Variants in UPF2 observed in about 807,000 individuals in gnomAD.
UPF2 encodes the protein UPF2 regulator of nonsense mediated mRNA decay.
A neutral mutation model predicts 141.4 loss-of-function variants in UPF2; 17 were observed. That is an observed-to-expected ratio of 0.12 (90% confidence interval 0.08 to 0.18). The LOEUF (loss-of-function observed/expected upper bound fraction) is 0.18. Among genes scored for constraint, UPF2 ranks in the 10% least tolerant of loss-of-function variants. The pLI is 1.00. For synonymous variants in UPF2, 540 were observed against 498.0 expected (o/e 1.08, Z -1.12); for missense variants, 1,152 against 1,515.9 (o/e 0.76, Z 3.99).
rs938811326 is a variant in UPF2, at chr10:12,014,645, G to GT, written c.1146-462dup. ...TCACAAAATAATCAAAAATTATTTG[G>GT]TTTTTTATTACTGTCATACTCCCCT... On this transcript the variant is annotated intron_variant, in intron 3 of 21. Coordinates refer to ENST00000357604, the MANE Select transcript of UPF2 (RefSeq NM_015542.4). The surrounding 1 kb of genome is among the most constrained non-coding windows in gnomAD (Gnocchi z 5.0). Among the ~76,000 whole-genome samples, 19 of 152,154 alleles carry GT rather than the reference G, an allele frequency of 1.2e-4. No homozygotes were observed. Among genetic ancestry groups the GT allele is most frequent in the African/African-American group, 4.6e-4 (19 of 41,524 alleles).
chr10:11,933,483 CTTAAAAA>C (rs1832806242), intron 19 of UPF2, among the ~76,000 whole-genome samples: 1 of 152,050 alleles, frequency 6.6e-6, no homozygotes, highest in African/African-American at 2.4e-5. Flanking sequence ...ATAATATATC[CTTAAAAA>C]TTAAAATTTA....
rs1554774696 is a variant in UPF2, at chr10:11,938,863, T to TTTG, written c.3379-2152_3379-2151insCAA. Among the ~76,000 whole-genome samples, 504 of 81,086 alleles carry TTTG rather than the reference T, an allele frequency of 6.2e-3. 9 individuals are homozygous for TTTG. Among genetic ancestry groups the TTTG allele is most frequent in the Non-Finnish European group, 9.0e-3 (377 of 41,818 alleles). 53.2% of individuals were successfully genotyped at this position (81,086 alleles called of 152,430 possible). On this transcript the variant is annotated intron_variant, in intron 18 of 21. Coordinates refer to ENST00000357604, the MANE Select transcript of UPF2 (RefSeq NM_015542.4). Reference sequence around the variant, plus strand: ...GCAAGTTTTTTTTTTGTTTTTTTTTTTTTTTTTTTTTTTTTTTTTGGAGAC... The same window carrying TTTG: ...GCAAGTTTTTTTTTTGTTTTTTTTTTTTGTTTTTTTTTTTTTTTTTTTGGAGAC...
intron 19 of UPF2, among the ~76,000 whole-genome samples, chr10:11,934,733 G>A (rs1588525260): frequency 6.6e-6 from 1 of 152,126 alleles, no homozygotes; most frequent in Non-Finnish European, 1.5e-5. Context: ...GGGATTACAG[G>A]CACACGCCAC....
chr10:11,951,367 C>T (rs11257444), intron 15 of UPF2, among the ~76,000 whole-genome samples: 4 of 152,114 alleles, frequency 2.6e-5, no homozygotes, highest in African/African-American at 7.2e-5. Flanking sequence ...CTGGCCAAAA[C>T]GTGTCACTTT....
intron 16 of UPF2, among the ~76,000 whole-genome samples, chr10:11,948,108 C>T (rs1833026080): frequency 6.6e-6 from 1 of 151,586 alleles, no homozygotes; most frequent in Non-Finnish European, 1.5e-5. Context: ...ATTAGCTGGG[C>T]GTGGTGGCGA....
chr10:12,034,316 T>TA, intron 2 of UPF2, among the ~76,000 whole-genome samples: 1 of 151,432 alleles, frequency 6.6e-6, no homozygotes, highest in East Asian at 2.0e-4. Context: ...AAGTTTTTAT[T>TA]TTATTATTTT....
Position 12,001,928 on chromosome 10 carries a change from CT to C in UPF2, c.1505-104del, listed in dbSNP as rs1157046004. The stretch of plus-strand genomic sequence containing the variant: ...CAAAATCTGCAGGTTCTTTTAGAAG[CT>C]GCATGTATACCTGGCAACTGAAGTT... On this transcript the variant is annotated intron_variant, in intron 5 of 21. Transcript: ENST00000357604. The C allele has an allele frequency of 2.8e-6, 3 of 1,062,524 alleles. No homozygotes were observed. In the East Asian group the frequency reaches 8.3e-5, roughly 29 times the overall value. 65.8% of individuals were successfully genotyped at this position (1,062,524 alleles called of 1,614,324 possible).
At chr10:11,981,696 T>C (rs200078956) in intron 8 of UPF2, among the ~76,000 whole-genome samples, 2 of 132,498 alleles carry the variant, frequency 1.5e-5, no homozygotes, top group African/African-American at 5.8e-5. Context: ...CTTTTTTTTT[T>C]CTGAGACGGA....
At chr10:11,972,535 C>G (rs1271831367) in intron 9 of UPF2, among the ~76,000 whole-genome samples, 1 of 152,168 alleles carries the variant, frequency 6.6e-6, no homozygotes. Flanking sequence ...CTCCCCTCTC[C>G]CTCCACTCCA....
chr10:12,039,147 A>G (rs1396137045), intron 1 of UPF2, among the ~76,000 whole-genome samples: 1 of 152,224 alleles, frequency 6.6e-6, no homozygotes, highest in Non-Finnish European at 1.5e-5. Flanking sequence ...ATTTAATACT[A>G]AAATCTTTAT....
At chr10:11,981,165 A>G (rs534457163) in intron 8 of UPF2, among the ~76,000 whole-genome samples, 51 of 152,324 alleles carry the variant, frequency 3.3e-4, no homozygotes, top group African/African-American at 1.1e-3. Flanking sequence ...TTTGTCTCAA[A>G]AAGATTTAAA....
intron 9 of UPF2, among the ~76,000 whole-genome samples, chr10:11,976,651 T>C (rs1833510427): frequency 6.6e-6 from 1 of 152,078 alleles, no homozygotes. Flanking sequence ...GAGAAATAGA[T>C]GTGAATTAAA....
intron 15 of UPF2, among the ~76,000 whole-genome samples, chr10:11,951,264 T>C (rs1322510051): frequency 6.6e-6 from 1 of 152,120 alleles, no homozygotes; most frequent in Admixed American, 6.6e-5. Flanking sequence ...GGTTTTGCCA[T>C]GTTGGCCAGG....
intron 3 of UPF2, among the ~76,000 whole-genome samples, chr10:12,025,351 G>A (rs1215671427): frequency 6.6e-6 from 1 of 152,146 alleles, no homozygotes; most frequent in African/African-American, 2.4e-5. Flanking sequence ...AGGAGTTTGA[G>A]ACCGGCATGG....
intron 16 of UPF2, among the ~76,000 whole-genome samples, chr10:11,943,628 A>G (rs1040773683): frequency 6.6e-6 from 1 of 152,220 alleles, no homozygotes; most frequent in Non-Finnish European, 1.5e-5. Context: ...AGGTGTTCTC[A>G]TACACTTCAT....
intron 8 of UPF2, among the ~76,000 whole-genome samples, chr10:11,982,252 G>A (rs1432296214): frequency 6.6e-6 from 1 of 152,092 alleles, no homozygotes; most frequent in Non-Finnish European, 1.5e-5. Flanking sequence ...TGCTGCCATT[G>A]CCACAATTTC....
intron 3 of UPF2, among the ~76,000 whole-genome samples, chr10:12,015,577 C>CTGTA (rs1834203539): frequency 6.6e-6 from 1 of 152,142 alleles, no homozygotes; most frequent in Non-Finnish European, 1.5e-5. Flanking sequence ...TGGCGGGCAC[C>CTGTA]TGTAATCCCA....
At chr10:11,933,736 G>A (rs144915425) in intron 19 of UPF2, among the ~76,000 whole-genome samples, 30 of 152,240 alleles carry the variant, frequency 2.0e-4, no homozygotes, top group African/African-American at 4.3e-4. Flanking sequence ...ATTCCTACAC[G>A]TTCTATAAGG....
At position 12,035,261 on chromosome 10, in the gene UPF2, C is replaced by G; in HGVS notation, c.163G>C (p.Asp55His). The part of the protein sequence containing the change: ...AKKEVSKAPE[D>H]KKKRLEDDKR... ...TCATCTTCCAGTCTCTTCTTCTTGT[C>G]TTCAGGGGCCTTGCTGACCTCCTTC... Residue 55 changes from aspartate (D) to histidine (H), a missense_variant, in exon 2 of 22, where the codon GAC becomes CAC. Asp to His is a moderately conservative substitution (Grantham distance 81, BLOSUM62 -1). This residue lies in a region of UPF2 where 145 missense variants were observed against 136.5 expected (regional missense o/e 1.06). Coordinates refer to ENST00000357604, the MANE Select transcript of UPF2 (RefSeq NM_015542.4). 1 of 1,613,786 alleles carries G rather than the reference C, an allele frequency of 6.2e-7. No individual in the cohort carries two copies. Among genetic ancestry groups the G allele is most frequent in the East Asian group, 2.2e-5 (1 of 44,880 alleles).
Sources: gnomAD v4.1 joint callset for allele counts (sites outside exome capture counted in the v4.1 genomes callset) on GRCh38, gnomAD v4.1.1 for gene constraint, gnomAD v4.1.1 regional missense constraint, Gnocchi (gnomAD v3.1) non-coding constraint, MANE v1.5 for transcripts, NCBI Gene and HGNC (gene_info 2026-07-23, HGNC 2026-07-21) for gene names.